The following PCDHA6 variants were observed in gnomAD, a reference collection of about 807,000 sequenced individuals.
PCDHA6 encodes the protein protocadherin alpha-6.
Under a neutral mutation model 60.3 loss-of-function variants are expected in PCDHA6, and 55 were observed. That is an observed-to-expected ratio of 0.91 (90% CI 0.73 to 1.14). PCDHA6 has a LOEUF of 1.14. Ranked by LOEUF, PCDHA6 falls within the 50% of genes most tolerant of loss-of-function variation. PCDHA6 has a pLI of 0.00. For synonymous variants in PCDHA6, 652 were observed against 557.9 expected, an observed-to-expected ratio of 1.17 and a Z score of -2.38; for missense variants, 1,327 against 1,256.5, an observed-to-expected ratio of 1.06 and a Z score of -0.85.
At chr5:140,989,644 T>C (rs1284720942) in intron 3 of PCDHA6, among the ~76,000 whole-genome samples, 3 of 152,232 alleles carry the variant, frequency 2.0e-5, no homozygotes, top group Non-Finnish European at 4.4e-5. Flanking sequence ...GGGTCTTTCA[T>C]GGCAATATTT....
At position 140,841,809 on chromosome 5, in the gene PCDHA6, G is replaced by A. The variant is rs2150323100; in HGVS notation, c.2394+11324G>A. The A allele has an allele frequency of 7.4e-6, 12 of 1,613,786 alleles. 1 individual carries two copies. In the African/African-American group the frequency reaches 1.3e-4, roughly 18 times the overall value. On this transcript the variant is annotated intron_variant, in intron 1 of 3. Coordinates refer to ENST00000529310, the MANE Select transcript of PCDHA6 (RefSeq NM_018909.4). ...GAGGGCGCGTCCGATGCAGATGTTG[G>A]AGCTAACTCCGTGTTAACCTACAGG...
chr5:140,966,958 G>C (rs561982676), intron 1 of PCDHA6: 1 of 1,602,498 alleles, frequency 6.2e-7, no homozygotes, highest in South Asian at 1.1e-5. Context: ...TGGCTCGCGC[G>C]CTGGGGCTTG....
chr5:140,857,805 C>T lies in PCDHA6; in HGVS notation c.2394+27320C>T, dbSNP rs1311256758. On this transcript the variant is annotated intron_variant, in intron 1 of 3. Coordinates refer to ENST00000529310, the MANE Select transcript of PCDHA6 (RefSeq NM_018909.4). ...GAGCTGGTGCTGCGGTCGGTGGTTG[C>T]GGGTCACGTGGTGGCTAAGGTGCGC... The T allele has an allele frequency of 2.9e-5, 47 of 1,597,594 alleles. 7 individuals are homozygous for T. The highest frequency in any genetic ancestry group is 5.1e-5 in the Admixed American group (3 of 59,234).
At chr5:140,986,738 G>T (rs1483741648) in intron 3 of PCDHA6, among the ~76,000 whole-genome samples, 1 of 152,168 alleles carries the variant, frequency 6.6e-6, no homozygotes, top group Admixed American at 6.5e-5. Flanking sequence ...AAGACCCCAG[G>T]GGATCTGGGA....
chr5:140,904,773 CATT>C (rs2071382352), intron 1 of PCDHA6, among the ~76,000 whole-genome samples: 1 of 152,076 alleles, frequency 6.6e-6, no homozygotes, highest in Non-Finnish European at 1.5e-5. Flanking sequence ...GATGGTATCA[CATT>C]ATTGTTTTAA....
intron 1 of PCDHA6, among the ~76,000 whole-genome samples, chr5:140,935,104 A>G (rs1233919640): frequency 2.0e-5 from 3 of 152,126 alleles, no homozygotes; most frequent in Non-Finnish European, 4.4e-5. Context: ...GCCATTTTTC[A>G]AAGAGCTTTC....
intron 1 of PCDHA6, chr5:140,884,079 A>T (rs2059982825): frequency 3.1e-6 from 5 of 1,613,504 alleles, no homozygotes; most frequent in Non-Finnish European, 4.2e-6. Context: ...TCGGGCTACA[A>T]TGCGTGGCTT....
intron 2 of PCDHA6, among the ~76,000 whole-genome samples, chr5:140,981,892 G>A (rs1245605619): frequency 2.0e-5 from 3 of 152,122 alleles, no homozygotes; most frequent in Non-Finnish European, 2.9e-5. Flanking sequence ...TCTTCTGAGC[G>A]GGGATCTGTG....
At chr5:140,915,732 G>A (rs1454734995) in intron 1 of PCDHA6, among the ~76,000 whole-genome samples, 2 of 151,870 alleles carry the variant, frequency 1.3e-5, no homozygotes, top group East Asian at 3.9e-4. Flanking sequence ...ATTGTGCTGG[G>A]TCAGACCTAT....
At chr5:140,924,898 AAAAAAAAT>A (rs781900915) in intron 1 of PCDHA6, among the ~76,000 whole-genome samples, 16 of 53,028 alleles carry the variant, frequency 3.0e-4, no homozygotes, top group Non-Finnish European at 6.0e-4. Context: ...CTGTCTCAAA[AAAAAAAAT>A]AAAATAAAAT....
intron 3 of PCDHA6, among the ~76,000 whole-genome samples, chr5:140,993,418 C>A (rs59434300): frequency 6.6e-5 from 10 of 151,302 alleles, no homozygotes; most frequent in Non-Finnish European, 1.5e-4. Context: ...ATCAGCATTT[C>A]TCTTTTAAAA....
intron 3 of PCDHA6, among the ~76,000 whole-genome samples, chr5:141,007,208 A>G (rs1056049066): frequency 5.3e-5 from 8 of 152,060 alleles, no homozygotes; most frequent in African/African-American, 1.9e-4. Context: ...GGGCCAGAAT[A>G]TGCTGTCCCA....
At chr5:140,943,234 G>A (rs1161111493) in intron 1 of PCDHA6, among the ~76,000 whole-genome samples, 3 of 145,508 alleles carry the variant, frequency 2.1e-5, no homozygotes, top group Non-Finnish European at 4.5e-5. Context: ...CTCCAGCCTG[G>A]GTCACAGAGT....
chr5:141,000,689 A>G (rs1469257297), intron 3 of PCDHA6, among the ~76,000 whole-genome samples: 1 of 151,438 alleles, frequency 6.6e-6, no homozygotes, highest in African/African-American at 2.4e-5. Context: ...CTGCCTCCCA[A>G]AGTGCTGGGA....
chr5:140,941,446 G>C (rs1241311664), intron 1 of PCDHA6, among the ~76,000 whole-genome samples: 1 of 150,694 alleles, frequency 6.6e-6, no homozygotes, highest in African/African-American at 2.4e-5. Flanking sequence ...CTCGGGAGTA[G>C]CTGGGATTAC....
chr5:140,848,400 G>T, intron 1 of PCDHA6: 1 of 1,298,514 alleles, frequency 7.7e-7, no homozygotes. Context: ...TGTGCTGAAC[G>T]ATGGCGAACA....
At chr5:140,951,507 C>A (rs2094591964) in intron 1 of PCDHA6, among the ~76,000 whole-genome samples, 1 of 151,952 alleles carries the variant, frequency 6.6e-6, no homozygotes, top group African/African-American at 2.4e-5. Flanking sequence ...AAAAGGAAAG[C>A]GGCTCATCTT....
chr5:140,923,155 A>G (rs1316496589), intron 1 of PCDHA6, among the ~76,000 whole-genome samples: 4 of 152,236 alleles, frequency 2.6e-5, no homozygotes, highest in Non-Finnish European at 5.9e-5. Context: ...AAAAAATTAT[A>G]GAAAGATAAA....
chr5:140,974,944 T>C (rs1216786290), intron 1 of PCDHA6, among the ~76,000 whole-genome samples: 1 of 152,210 alleles, frequency 6.6e-6, no homozygotes, highest in African/African-American at 2.4e-5. Context: ...ACCTATTTGT[T>C]ATCTCACAGT....
Sources: allele counts gnomAD v4.1 joint callset (sites outside exome capture counted in the v4.1 genomes callset), GRCh38; gene constraint gnomAD v4.1.1; transcripts MANE v1.5; gene names NCBI Gene and HGNC (gene_info 2026-07-23, HGNC 2026-07-21).